Variants in ANGPT4 observed in about 807,000 individuals in gnomAD.
The protein encoded by ANGPT4 is angiopoietin 4.
A neutral mutation model predicts 53.0 loss-of-function variants in ANGPT4; 50 were observed. That is an observed-to-expected ratio of 0.94 (90% confidence interval 0.75 to 1.20). The LOEUF is 1.20. ANGPT4 is among the 50% of genes most tolerant of loss of function. The pLI, the probability that ANGPT4 is intolerant of heterozygous loss-of-function variation, is 0.00. For synonymous variants in ANGPT4, 251 were observed against 259.7 expected (o/e 0.97, Z 0.32); for missense variants, 648 against 637.1 (o/e 1.02, Z -0.18).
intron 7 of ANGPT4, 97 bp downstream of exon 7, chr20:878,064 C>G: frequency 7.4e-7 from 1 of 1,342,418 alleles, no homozygotes; most frequent in Non-Finnish European, 1.0e-6. Context: ...CAGAGACTGA[C>G]CGTTGGAGCA....
In ANGPT4 at chr20:878,322, G is replaced by A. The variant is rs112090528; in HGVS notation, c.1059C>T (p.Phe353=). The stretch of plus-strand genomic sequence containing the variant: ...GCCAGTGCTCCCCAGCTGGGTCTCC[G>A]AAGCCCTATAGGGAGGGGAGCGTGG... ...QRNWKDYKQG[F]GDPAGEHWLG... The change falls in exon 7 of 9, where the codon TTC becomes TTT. Residue 353 remains phenylalanine (F), a synonymous_variant. Transcript: ENST00000381922. The A allele has an allele frequency of 6.4e-5, 103 of 1,604,696 alleles. No homozygotes were observed. The highest frequency in any genetic ancestry group is 5.1e-4 in the African/African-American group (38 of 74,920).
rs1261088681 is a variant in ANGPT4 at position 881,294 on chromosome 20, G to C, written c.836-8C>G. Reference sequence around the variant, plus strand: ...CACCTGCCATTATGAAGGCTGCAAAGGGACAACACAAAAGTCAGTTGGAGG... The same window carrying C: ...CACCTGCCATTATGAAGGCTGCAAACGGACAACACAAAAGTCAGTTGGAGG... On this transcript the variant is annotated splice_region_variant and splice_polypyrimidine_tract_variant and intron_variant, in intron 4 of 8. Transcript: ENST00000381922. 19 of 1,613,466 alleles carry C rather than the reference G, an allele frequency of 1.2e-5. No homozygotes were observed. The South Asian group carries it at 2.0e-4, about 17-fold the overall frequency.
At chr20:895,939 GA>G (rs1157063884) in intron 1 of ANGPT4, among the ~76,000 whole-genome samples, 14 of 152,224 alleles carry the variant, frequency 9.2e-5, no homozygotes, top group South Asian at 2.1e-4. Flanking sequence ...AGCTTTTTGG[GA>G]TATTGGCAAT....
At chr20:894,416 C>T (rs1468666897) in intron 1 of ANGPT4, among the ~76,000 whole-genome samples, 1 of 152,086 alleles carries the variant, frequency 6.6e-6, no homozygotes, top group African/African-American at 2.4e-5. Flanking sequence ...AGGGGTGGTG[C>T]AGTTGAGATT....
chr20:890,305 G>T lies in ANGPT4; in HGVS notation c.373C>A (p.Gln125Lys), dbSNP rs1300615089. The part of the protein sequence containing the change: ...KLEQVQQQMA[Q>K]NQTAPMLELG... ...TCTAGCATGGGGGCCGTCTGATTCT[G>T]GGCCATTTGCTGCTGGACCTGCTCC... The change falls in exon 2 of 9, where the codon CAG becomes AAG. Residue 125 changes from glutamine (Q) to lysine (K), a missense_variant. Coordinates refer to ENST00000381922, the MANE Select transcript of ANGPT4 (RefSeq NM_015985.4). 1 of 1,613,762 alleles carries T rather than the reference G, an allele frequency of 6.2e-7. No individual in the cohort carries two copies. The highest frequency in any genetic ancestry group is 8.5e-7 in the Non-Finnish European group (1 of 1,179,978).
intron 5 of ANGPT4, among the ~76,000 whole-genome samples, chr20:880,129 G>T (rs1049914659): frequency 1.3e-5 from 2 of 152,168 alleles, no homozygotes; most frequent in Non-Finnish European, 2.9e-5. Context: ...CTACCAACTG[G>T]GGTTGTGAAA....
rs1028608928 is a variant in ANGPT4, at chr20:885,291, T to G, written c.622A>C (p.Lys208Gln). Residue 208 changes from lysine (K) to glutamine (Q), a missense_variant, in exon 4 of 9, where the codon AAG (lysine) becomes CAG (glutamine). Physicochemically the swap from Lys to Gln is moderately conservative, Grantham distance 53. Coordinates refer to ENST00000381922, the MANE Select transcript of ANGPT4 (RefSeq NM_015985.4). ...ATGCTGGCCAGCTCCTCCTGCTGCTTGGTCTCCAGGGCCTGCAACCGCTTC... is the reference window on the plus strand; with the variant it reads ...ATGCTGGCCAGCTCCTCCTGCTGCTGGGTCTCCAGGGCCTGCAACCGCTTC... Reference protein sequence around the residue: ...LEKRLQALETKQQEELASILS... With the variant: ...LEKRLQALETQQQEELASILS... 5 of 1,585,214 alleles carry G rather than the reference T, an allele frequency of 3.2e-6. No individual in the cohort carries two copies. Among genetic ancestry groups the G allele is most frequent in the Non-Finnish European group, 4.3e-6 (5 of 1,168,382 alleles).
At chr20:883,273 T>A (rs1033656024) in intron 4 of ANGPT4, among the ~76,000 whole-genome samples, 7 of 152,236 alleles carry the variant, frequency 4.6e-5, no homozygotes, top group Admixed American at 3.9e-4. Flanking sequence ...CCACTGAGCA[T>A]ATGTAAGGTT....
In ANGPT4 at chr20:915,992, T is replaced by C. The variant is rs1982922605; in HGVS notation, c.223A>G (p.Asn75Asp). The change falls in exon 1 of 9, where the codon AAC (asparagine) becomes GAC (aspartate). Residue 75 changes from asparagine (N) to aspartate (D), a missense_variant. Transcript: ENST00000381922. ...GGCAACTTCCCCAGGTGCAGTGGGT[T>C]GGCCAGTGATTCTCTCTGGAGGGTG... ...SNTLQRESLA[N>D]PLHLGKLPTQ... The C allele has an allele frequency of 5.0e-6, 8 of 1,613,412 alleles. No homozygotes were observed. In the African/African-American group the frequency reaches 9.3e-5, roughly 19 times the overall value.
At chr20:885,038 C>A (rs939710052) in intron 4 of ANGPT4, 40 bp downstream of exon 4, 2 of 1,610,594 alleles carry the variant, frequency 1.2e-6, no homozygotes, top group African/African-American at 1.3e-5. Flanking sequence ...CCCTCTCCTG[C>A]CCGTCTTTAG....
chr20:910,418 G>A (rs529402241), intron 1 of ANGPT4, among the ~76,000 whole-genome samples: 3 of 152,272 alleles, frequency 2.0e-5, no homozygotes, highest in East Asian at 3.9e-4. Flanking sequence ...ATTGATATAT[G>A]TGGCTTCCCC....
At chr20:884,600 C>T (rs1051203609) in intron 4 of ANGPT4, among the ~76,000 whole-genome samples, 2 of 152,234 alleles carry the variant, frequency 1.3e-5, no homozygotes, top group African/African-American at 4.8e-5. Flanking sequence ...TGCCTCTTCA[C>T]TTCTGTTTGG....
intron 1 of ANGPT4, among the ~76,000 whole-genome samples, chr20:907,673 A>G (rs1411929173): frequency 6.6e-6 from 1 of 152,212 alleles, no homozygotes; most frequent in Non-Finnish European, 1.5e-5. Flanking sequence ...GAGGTTAAAC[A>G]ACTTGTCCAA....
chr20:895,647 C>T (rs717399), intron 1 of ANGPT4, among the ~76,000 whole-genome samples: 1 of 152,174 alleles, frequency 6.6e-6, no homozygotes, highest in African/African-American at 2.4e-5. Flanking sequence ...AAGCCTGCTT[C>T]TCTCCTGCAT....
chr20:876,886 A>C (rs917782261), intron 7 of ANGPT4, among the ~76,000 whole-genome samples: 4 of 152,030 alleles, frequency 2.6e-5, no homozygotes, highest in African/African-American at 9.7e-5. Flanking sequence ...GTTTCTATAA[A>C]AAATACAAAA....
At chr20:900,921 T>G (rs560028601) in intron 1 of ANGPT4, among the ~76,000 whole-genome samples, 2 of 152,276 alleles carry the variant, frequency 1.3e-5, no homozygotes, top group South Asian at 2.1e-4. Flanking sequence ...TCCATTTAGT[T>G]TCTCAATTCA....
chr20:887,839 A>G (rs1273498253), intron 3 of ANGPT4, among the ~76,000 whole-genome samples: 1 of 152,022 alleles, frequency 6.6e-6, no homozygotes, highest in African/African-American at 2.4e-5. Flanking sequence ...TGGTGGGTGA[A>G]TTAGATCTCA....
chr20:887,726 A>C (rs1956595907), intron 3 of ANGPT4, among the ~76,000 whole-genome samples: 1 of 151,742 alleles, frequency 6.6e-6, no homozygotes, highest in Admixed American at 6.6e-5. Context: ...TGTGGACAAG[A>C]ACCTGGTAAC....
chr20:900,226 T>C (rs1391143940), intron 1 of ANGPT4, among the ~76,000 whole-genome samples: 2 of 152,220 alleles, frequency 1.3e-5, no homozygotes, highest in Non-Finnish European at 2.9e-5. Flanking sequence ...TCTTCTTGTT[T>C]GCTTATACCC....
Sources: gnomAD v4.1 joint callset for allele counts (sites outside exome capture counted in the v4.1 genomes callset) on GRCh38, gnomAD v4.1.1 for gene constraint, MANE v1.5 for transcripts, NCBI Gene and HGNC (gene_info 2026-07-23, HGNC 2026-07-21) for gene names.